The following RPTOR variants were observed in gnomAD, a reference collection of about 807,000 sequenced individuals.
The protein encoded by RPTOR is regulatory-associated protein of mTOR.
In RPTOR, 21 loss-of-function variants were observed where a neutral mutation model predicts 169.9. The ratio of observed to expected loss-of-function variants is 0.12; its 90% CI spans 0.09 to 0.18. RPTOR has a LOEUF of 0.18. Among genes scored for constraint, RPTOR ranks in the 10% least tolerant of loss-of-function variants. The probability of loss-of-function intolerance (pLI) is 1.00; values close to 1 mark genes in which losing one functional copy is unlikely to be tolerated. For missense variants in RPTOR, 1,133 were observed against 1,855.9 expected (o/e 0.61, Z 7.16); for synonymous variants, 732 against 753.2 (o/e 0.97, Z 0.46).
At chr17:80,935,425 G>A (rs901386237) in intron 24 of RPTOR, among the ~76,000 whole-genome samples, 2 of 152,122 alleles carry the variant, frequency 1.3e-5, no homozygotes, top group Non-Finnish European at 2.9e-5. Flanking sequence ...AACAAAGTTA[G>A]AAGCCTCACA....
At chr17:80,875,188 C>T (rs2068093481) in intron 13 of RPTOR, among the ~76,000 whole-genome samples, 1 of 152,158 alleles carries the variant, frequency 6.6e-6, no homozygotes, top group South Asian at 2.1e-4. Context: ...CATCTTTTGC[C>T]AGAATATTCA....
intron 24 of RPTOR, among the ~76,000 whole-genome samples, chr17:80,939,770 G>A (rs543963291): frequency 6.6e-6 from 1 of 152,196 alleles, no homozygotes; most frequent in Non-Finnish European, 1.5e-5. Flanking sequence ...CTCCTCAAGC[G>A]CACCTGCCTC....
chr17:80,751,172 A>G (rs1210810851), intron 5 of RPTOR, among the ~76,000 whole-genome samples: 1 of 152,192 alleles, frequency 6.6e-6, no homozygotes, highest in East Asian at 1.9e-4. Context: ...GTGAGTGAAT[A>G]CAGCTCTGTG....
chr17:80,555,743 G>T (rs943645635), intron 1 of RPTOR, among the ~76,000 whole-genome samples: 2 of 152,190 alleles, frequency 1.3e-5, no homozygotes, highest in African/African-American at 4.8e-5. Flanking sequence ...ACATTGACCA[G>T]CATTAAACTC....
chr17:80,940,412 G>T (rs760416307), intron 24 of RPTOR, 84 bp from the exon 25 acceptor site: 20 of 1,131,558 alleles, frequency 1.8e-5, no homozygotes, highest in Non-Finnish European at 2.5e-5. Flanking sequence ...CTATCCGAGG[G>T]GTCCTAGAAC....
chr17:80,600,968 T>C (rs1348417268), intron 1 of RPTOR, among the ~76,000 whole-genome samples: 2 of 151,734 alleles, frequency 1.3e-5, no homozygotes, highest in Non-Finnish European at 2.9e-5. Flanking sequence ...ACGCCTCCCA[T>C]TGAGAGGCGA....
Position 80,707,493 on chromosome 17 carries a change from G to A in RPTOR, c.349-348G>A, listed in dbSNP as rs1053642286. ...TGGTTCACTGCAACCTCAACCTCCT[G>A]GGCTTAAGTGATCCTTCCACCTCAG... On this transcript the variant is annotated intron_variant, in intron 3 of 33. Transcript: ENST00000306801. The surrounding 1 kb of genome is among the most constrained non-coding windows in gnomAD (Gnocchi z 5.0). Among the ~76,000 whole-genome samples the A allele has an allele frequency of 3.3e-5, 5 of 151,960 alleles. No individual in the cohort carries two copies. The highest frequency in any genetic ancestry group is 7.4e-5 in the Non-Finnish European group (5 of 67,996).
intron 3 of RPTOR, among the ~76,000 whole-genome samples, chr17:80,674,148 T>C (rs2065843155): frequency 6.6e-6 from 1 of 152,254 alleles, no homozygotes; most frequent in Non-Finnish European, 1.5e-5. Context: ...TAGCGGAATT[T>C]GTGTTGCTCT....
At chr17:80,913,028 G>A (rs1001497273) in intron 21 of RPTOR, among the ~76,000 whole-genome samples, 7 of 152,104 alleles carry the variant, frequency 4.6e-5, no homozygotes, top group South Asian at 2.1e-4. Context: ...GTGTGCACGC[G>A]TGTGTGTGTG....
intron 28 of RPTOR, among the ~76,000 whole-genome samples, chr17:80,954,072 C>A (rs1243314537): frequency 6.6e-6 from 1 of 152,220 alleles, no homozygotes; most frequent in Non-Finnish European, 1.5e-5. Context: ...AGCGGTCATC[C>A]CACCTCAGCC....
intron 10 of RPTOR, 35 bp from the exon 11 acceptor site, chr17:80,846,437 TG>T: frequency 6.3e-7 from 1 of 1,598,546 alleles, no homozygotes; most frequent in Non-Finnish European, 8.6e-7. Context: ...TCTGGGAACA[TG>T]GCCCTAACAA....
intron 3 of RPTOR, among the ~76,000 whole-genome samples, chr17:80,677,032 C>T (rs1188167463): frequency 6.6e-6 from 1 of 152,186 alleles, no homozygotes; most frequent in African/African-American, 2.4e-5. Flanking sequence ...GGTACTGCCT[C>T]GTGCCAGTGG....
chr17:80,633,129 G>GTTCCAAAAT lies in RPTOR; in HGVS notation c.265+7338_265+7339insCCAAAATTT, dbSNP rs2065454726. On this transcript the variant is annotated intron_variant, in intron 2 of 33. Coordinates refer to ENST00000306801, the MANE Select transcript of RPTOR (RefSeq NM_020761.3). This position sits in a 1 kb window ranked among gnomAD's most constrained non-coding sequence, Gnocchi z 4.1. ...TCATTTTGAAAAAAAAGTTCCAAAA[G>GTTCCAAAAT]TTGCAAGTATAGTACTAAGCTGTTT... Among the ~76,000 whole-genome samples the GTTCCAAAAT allele has an allele frequency of 6.6e-6, 1 of 152,214 alleles. No homozygotes were observed. The highest frequency in any genetic ancestry group is 2.4e-5 in the African/African-American group (1 of 41,440).
At chr17:80,692,283 T>TGTTAC (rs141418822) in intron 3 of RPTOR, among the ~76,000 whole-genome samples, 1,585 of 16,770 alleles carry the variant, frequency 0.095, 37 homozygotes, top group African/African-American at 0.17. Context: ...GGCTACGTTA[T>TGTTAC]GTTATGTTAT....
rs183892980 is a variant in RPTOR at position 80,859,213 on chromosome 17, G to A, written c.1509+1313G>A. Reference sequence around the variant, plus strand: ...CCTCGTCTACCCAGTGGTGATGGCAGGCGAGACCCTCGAAGGAAAATGTGG... The same window carrying A: ...CCTCGTCTACCCAGTGGTGATGGCAAGCGAGACCCTCGAAGGAAAATGTGG... On this transcript the variant is annotated intron_variant, in intron 13 of 33. Transcript: ENST00000306801. Among the ~76,000 whole-genome samples, 293 of 152,348 alleles carry A rather than the reference G, an allele frequency of 1.9e-3. 2 individuals are homozygous for A. Among genetic ancestry groups the A allele is most frequent in the Non-Finnish European group, 7.6e-4 (52 of 68,030 alleles).
chr17:80,569,126 C>T lies in RPTOR; in HGVS notation c.162+23335C>T, dbSNP rs185180501. Among the ~76,000 whole-genome samples, 16 of 152,230 alleles carry T rather than the reference C, an allele frequency of 1.1e-4. No homozygotes were observed. In the East Asian group the frequency reaches 2.7e-3, roughly 26 times the overall value. ...GTTTTAAAAATCTTATCTGTTATTT[C>T]CTCGTCACTCTCATTTTTGGGTCTA... On this transcript the variant is annotated intron_variant, in intron 1 of 33. Coordinates refer to ENST00000306801, the MANE Select transcript of RPTOR (RefSeq NM_020761.3).
intron 21 of RPTOR, among the ~76,000 whole-genome samples, chr17:80,912,931 G>A (rs2068629943): frequency 6.6e-6 from 1 of 152,188 alleles, no homozygotes; most frequent in African/African-American, 2.4e-5. Context: ...GAGGGGTGGA[G>A]AAGGTCAAGA....
chr17:80,864,638 C>T (rs563812592), intron 13 of RPTOR, among the ~76,000 whole-genome samples: 23 of 152,296 alleles, frequency 1.5e-4, no homozygotes, highest in Middle Eastern at 3.4e-3. Flanking sequence ...CTACAAGAAA[C>T]GTGAAGTCCT....
At chr17:80,760,695 A>C (rs543715805) in intron 6 of RPTOR, among the ~76,000 whole-genome samples, 1 of 152,224 alleles carries the variant, frequency 6.6e-6, no homozygotes, top group African/African-American at 2.4e-5. Context: ...GGGAACTAGG[A>C]TTGGGCTGCA....
Sources: allele counts gnomAD v4.1 joint callset (sites outside exome capture counted in the v4.1 genomes callset), GRCh38; gene constraint gnomAD v4.1.1; non-coding constraint Gnocchi (gnomAD v3.1); transcripts MANE v1.5; gene names NCBI Gene and HGNC (gene_info 2026-07-23, HGNC 2026-07-21).